ATXN7L1: variants seen among roughly 807,000 people sequenced by gnomAD.
ATXN7L1 encodes ataxin-7-like protein 1.
ATXN7L1 carries 15 observed loss-of-function variants against 70.8 expected under a neutral mutation model. The ratio of observed to expected loss-of-function variants is 0.21; its 90% CI spans 0.14 to 0.33. ATXN7L1 has a LOEUF of 0.33. ATXN7L1 is among the 10% of genes least tolerant of loss of function. ATXN7L1 has a pLI of 1.00. For synonymous variants in ATXN7L1, 440 were observed against 445.1 expected (o/e 0.99, Z 0.14); for missense variants, 975 against 1,097.1 (o/e 0.89, Z 1.57).
In ATXN7L1 at chr7:105,695,870, G is replaced by A. The variant is rs532969609; in HGVS notation, c.356-30582C>T. ...CAGGCTGAGCAGGTTCACTGCAGGC[G>A]TTGGGCATTTGCTCTGAGGGACAGG... On this transcript the variant is annotated intron_variant, in intron 3 of 11. Coordinates refer to ENST00000419735, the MANE Select transcript of ATXN7L1 (RefSeq NM_020725.2). 7.9e-5 allele frequency among the ~76,000 whole-genome samples: 12 copies of A among 152,312 alleles called. No homozygotes were observed. In the East Asian group the frequency reaches 1.4e-3, roughly 17 times the overall value.
rs533189189 is a variant in ATXN7L1 at position 105,784,266 on chromosome 7, A to G, written c.355+4338T>C. ...GGTGTAAGCCACTGCGCCCGGCCCC[A>G]GCTACAGGTAGTTATTGTCGGAACT... On this transcript the variant is annotated intron_variant, in intron 3 of 11. Coordinates refer to ENST00000419735, the MANE Select transcript of ATXN7L1 (RefSeq NM_020725.2). 1.6e-3 allele frequency among the ~76,000 whole-genome samples: 237 copies of G among 152,194 alleles called. 1 individual carries two copies. The highest frequency in any genetic ancestry group is 5.3e-3 in the African/African-American group (218 of 41,514).
At chr7:105,846,762 A>T (rs1279527678) in intron 2 of ATXN7L1, among the ~76,000 whole-genome samples, 1 of 152,248 alleles carries the variant, frequency 6.6e-6, no homozygotes, top group Non-Finnish European at 1.5e-5. Flanking sequence ...CCTACAGTGG[A>T]ATACTGTTCA....
chr7:105,636,015 G>A (rs960995123), intron 7 of ATXN7L1, among the ~76,000 whole-genome samples: 19 of 152,268 alleles, frequency 1.2e-4, no homozygotes, highest in Middle Eastern at 3.4e-3. Context: ...TAAACTAAGT[G>A]CAGGACATTT....
chr7:105,746,098 C>T (rs1459885872), intron 3 of ATXN7L1, among the ~76,000 whole-genome samples: 6 of 152,232 alleles, frequency 3.9e-5, no homozygotes, highest in South Asian at 2.1e-4. Context: ...TAGCAAATCA[C>T]GTGGGCCCTA....
At chr7:105,652,927 C>T (rs959996959) in intron 4 of ATXN7L1, among the ~76,000 whole-genome samples, 1 of 152,208 alleles carries the variant, frequency 6.6e-6, no homozygotes, top group African/African-American at 2.4e-5. Flanking sequence ...GCATCACTCA[C>T]TCACTCTGCT....
At chr7:105,621,331 C>T (rs1256521019) in intron 8 of ATXN7L1, among the ~76,000 whole-genome samples, 1 of 152,186 alleles carries the variant, frequency 6.6e-6, no homozygotes, top group Non-Finnish European at 1.5e-5. Context: ...TGTGAATTCC[C>T]ATGGCACACC....
At chr7:105,836,860 C>T (rs1482060206) in intron 2 of ATXN7L1, among the ~76,000 whole-genome samples, 2 of 152,106 alleles carry the variant, frequency 1.3e-5, no homozygotes, top group African/African-American at 4.8e-5. Context: ...GAGTTTGAGA[C>T]CAGCCTGGCC....
chr7:105,776,048 A>T (rs1414208378), intron 3 of ATXN7L1, among the ~76,000 whole-genome samples: 3 of 152,166 alleles, frequency 2.0e-5, no homozygotes, highest in African/African-American at 7.2e-5. Flanking sequence ...ATGGCTCAGG[A>T]TAGGGAGAAT....
intron 11 of ATXN7L1, among the ~76,000 whole-genome samples, chr7:105,608,976 T>C (rs1792921396): frequency 6.6e-6 from 1 of 152,088 alleles, no homozygotes; most frequent in African/African-American, 2.4e-5. Flanking sequence ...CCTAGACACA[T>C]ATGCACACAC....
At chr7:105,727,828 TTA>T (rs1348751589) in intron 3 of ATXN7L1, among the ~76,000 whole-genome samples, 18 of 136,238 alleles carry the variant, frequency 1.3e-4, no homozygotes, top group South Asian at 4.8e-4. Flanking sequence ...AAAGGCAATG[TTA>T]TATATATGAA....
intron 3 of ATXN7L1, among the ~76,000 whole-genome samples, chr7:105,755,307 G>A (rs1231294136): frequency 2.0e-5 from 3 of 152,192 alleles, no homozygotes; most frequent in African/African-American, 7.2e-5. Flanking sequence ...TTTCAGAATG[G>A]CACTTTCAGG....
In ATXN7L1 at chr7:105,718,708, C is replaced by T. The variant is rs181761241; in HGVS notation, c.356-53420G>A. On this transcript the variant is annotated intron_variant, in intron 3 of 11. Coordinates refer to ENST00000419735, the MANE Select transcript of ATXN7L1 (RefSeq NM_020725.2). ...GAACCACCTTCGGCTTGGGGCCAACCCAGGTTACTAATCACAGGTCAGGTA... is the reference window on the plus strand; with the variant it reads ...GAACCACCTTCGGCTTGGGGCCAACTCAGGTTACTAATCACAGGTCAGGTA... Among the ~76,000 whole-genome samples, 86 of 152,324 alleles carry T rather than the reference C, an allele frequency of 5.6e-4. 3 individuals carry two copies. The East Asian group carries it at 0.016, about 28-fold the overall frequency.
intron 3 of ATXN7L1, among the ~76,000 whole-genome samples, chr7:105,729,963 T>G (rs959505298): frequency 5.3e-5 from 8 of 152,062 alleles, no homozygotes. Context: ...GGTCTCAATC[T>G]CCTGACCTAG....
chr7:105,613,642 C>T (rs1333937757), intron 10 of ATXN7L1: 23 of 1,417,736 alleles, frequency 1.6e-5, no homozygotes, highest in South Asian at 3.0e-5. Flanking sequence ...AGGTAATAAC[C>T]GTAAAGTGCC....
chr7:105,815,057 T>G (rs999876155), intron 2 of ATXN7L1, among the ~76,000 whole-genome samples: 1 of 152,228 alleles, frequency 6.6e-6, no homozygotes, highest in Non-Finnish European at 1.5e-5. Flanking sequence ...TGCTCTCCTA[T>G]TCCTCTATCC....
At chr7:105,724,089 T>C (rs533180070) in intron 3 of ATXN7L1, among the ~76,000 whole-genome samples, 56 of 152,016 alleles carry the variant, frequency 3.7e-4, no homozygotes, top group Non-Finnish European at 6.5e-4. Context: ...GTACCACAAT[T>C]TGGGGGGCTT....
chr7:105,676,415 C>T (rs191383329), intron 3 of ATXN7L1, among the ~76,000 whole-genome samples: 4 of 152,314 alleles, frequency 2.6e-5, no homozygotes, highest in South Asian at 2.1e-4. Context: ...CTTAGGATGA[C>T]ACAGCTGATA....
At chr7:105,751,639 GA>G (rs796564920) in intron 3 of ATXN7L1, among the ~76,000 whole-genome samples, 531 of 144,542 alleles carry the variant, frequency 3.7e-3, no homozygotes, top group Non-Finnish European at 6.1e-3. Context: ...CTGTCTCAAA[GA>G]AAAAAAAAAA....
At chr7:105,719,321 T>C (rs73717259) in intron 3 of ATXN7L1, among the ~76,000 whole-genome samples, 3,602 of 152,218 alleles carry the variant, frequency 0.024, 144 homozygotes, top group African/African-American at 0.08. Context: ...GCCCCCGCCC[T>C]ACAGGGTCTA....
Sources: gnomAD v4.1 joint callset for allele counts (sites outside exome capture counted in the v4.1 genomes callset) on GRCh38, gnomAD v4.1.1 for gene constraint, MANE v1.5 for transcripts, NCBI Gene and HGNC (gene_info 2026-07-23, HGNC 2026-07-21) for gene names.